The following ATL2 variants were observed in gnomAD, a reference collection of about 807,000 sequenced individuals.
The protein encoded by ATL2 is atlastin-2.
ATL2 carries 31 observed loss-of-function variants against 73.9 expected under a neutral mutation model. The ratio of observed to expected loss-of-function variants is 0.42; its 90% confidence interval spans 0.32 to 0.57. The LOEUF is 0.57. Ranked by LOEUF, ATL2 falls within the 20% of genes least tolerant of loss-of-function variation. The pLI is 0.14. For synonymous variants in ATL2, 291 were observed against 237.5 expected, an observed-to-expected ratio of 1.23 and a Z score of -2.07; for missense variants, 738 against 702.6, an observed-to-expected ratio of 1.05 and a Z score of -0.57.
At chr2:38,311,886 G>A (rs1375698033) in intron 7 of ATL2, among the ~76,000 whole-genome samples, 1 of 152,126 alleles carries the variant, frequency 6.6e-6, no homozygotes, top group African/African-American at 2.4e-5. Context: ...ATTGTGCTTT[G>A]TGTTAATTTC....
chr2:38,375,139 A>G (rs2124511616), intron 1 of ATL2, among the ~76,000 whole-genome samples: 1 of 152,300 alleles, frequency 6.6e-6, no homozygotes, highest in Non-Finnish European at 1.5e-5. Context: ...CCCTAACACT[A>G]AACTACTCAA....
chr2:38,298,411 G>A lies in ATL2; in HGVS notation c.1365C>T (p.Thr455=), dbSNP rs1007677671. The part of the protein sequence containing the change: ...QDQLEAEIEE[T]YANFIKHNDG... ...CATTGTGCTTTATAAAATTTGCATA[G>A]GTTTCTTCAATTTCAGCTTCAAGCT... Residue 455 remains threonine, a synonymous_variant, in exon 12 of 13, where the codon ACC becomes ACT. Transcript: ENST00000378954. 2.5e-6 allele frequency: 4 copies of A among 1,614,024 alleles called. No individual in the cohort carries two copies. In the African/African-American group the frequency reaches 5.3e-5, roughly 22 times the overall value.
chr2:38,302,685 G>T (rs6749652), intron 9 of ATL2, among the ~76,000 whole-genome samples: 14,873 of 152,028 alleles, frequency 0.098, 2,432 homozygotes, highest in African/African-American at 0.34. Context: ...GTAATCCAGG[G>T]AATTCTCCTG....
At chr2:38,307,377 G>A (rs1667508993) in intron 9 of ATL2, among the ~76,000 whole-genome samples, 1 of 149,380 alleles carries the variant, frequency 6.7e-6, no homozygotes, top group Non-Finnish European at 1.5e-5. Context: ...TTGAAATGGA[G>A]CCTTGCTCTG....
At chr2:38,366,163 A>G (rs1279928345) in intron 1 of ATL2, among the ~76,000 whole-genome samples, 1 of 151,788 alleles carries the variant, frequency 6.6e-6, no homozygotes, top group Admixed American at 6.6e-5. Flanking sequence ...GTCCCCTCTT[A>G]GTTTGGCAAT....
chr2:38,360,930 C>CA (rs201457850), intron 1 of ATL2, among the ~76,000 whole-genome samples: 18,216 of 137,714 alleles, frequency 0.13, 3,227 homozygotes, highest in African/African-American at 0.41. Context: ...TTGGTAACTA[C>CA]AAAAAAAAAA....
intron 2 of ATL2, among the ~76,000 whole-genome samples, chr2:38,337,556 CATTAAT>C (rs1309277499): frequency 1.9e-5 from 2 of 107,728 alleles, no homozygotes; most frequent in Admixed American, 9.8e-5. Flanking sequence ...ACTTAAAAGA[CATTAAT>C]ATTAAGGGAT....
At chr2:38,322,222 T>G (rs1668366699) in intron 2 of ATL2, among the ~76,000 whole-genome samples, 1 of 152,220 alleles carries the variant, frequency 6.6e-6, no homozygotes. Context: ...TTAATGAATT[T>G]ATTATTTGTA....
intron 1 of ATL2, among the ~76,000 whole-genome samples, chr2:38,370,612 A>T (rs1671631305): frequency 6.6e-6 from 1 of 152,130 alleles, no homozygotes; most frequent in African/African-American, 2.4e-5. Context: ...TCTACTAAAA[A>T]ATACAAAAAT....
intron 1 of ATL2, among the ~76,000 whole-genome samples, chr2:38,358,904 A>C (rs938941156): frequency 6.6e-6 from 1 of 152,174 alleles, no homozygotes; most frequent in Non-Finnish European, 1.5e-5. Context: ...GACTTCGATA[A>C]ATTTTTTTTG....
Position 38,296,350 on chromosome 2 carries a change from T to G in ATL2, c.1633-237A>C. On this transcript the variant is annotated intron_variant, in intron 12 of 12. Transcript: ENST00000378954. ...AATTCCTATGAGATGGATGTGCAAT[T>G]CCATACCCTATATGCAGCATCAAAT... 2.0e-6 allele frequency: 3 copies of G among 1,464,574 alleles called. No homozygotes were observed. The South Asian group carries it at 4.4e-5, about 21-fold the overall frequency. 90.7% of individuals were successfully genotyped at this position (1,464,574 alleles called of 1,614,324 possible).
At chr2:38,373,295 C>T (rs1428952325) in intron 1 of ATL2, among the ~76,000 whole-genome samples, 2 of 152,198 alleles carry the variant, frequency 1.3e-5, no homozygotes, top group African/African-American at 4.8e-5. Context: ...TATTCTTCAC[C>T]AGTTACATAC....
intron 2 of ATL2, among the ~76,000 whole-genome samples, chr2:38,341,205 C>G (rs1669695592): frequency 6.6e-6 from 1 of 152,188 alleles, no homozygotes; most frequent in Admixed American, 6.5e-5. Flanking sequence ...ACAATATACA[C>G]AAGCTAACTT....
rs967570629 is a variant in ATL2 at position 38,295,184 on chromosome 2, G to C, written c.*810C>G. 6.6e-6 allele frequency: 1 copy of C among 151,996 alleles called. No individual in the cohort carries two copies. The highest frequency in any genetic ancestry group is 1.5e-5 in the Non-Finnish European group (1 of 68,016). 9.4% of individuals were successfully genotyped at this position (151,996 alleles called of 1,614,324 possible). Reference sequence around the variant, plus strand: ...ACTACAAAACTTTTAATACAAAATCGTATTTATATATTTATAAGTCATATA... The same window carrying C: ...ACTACAAAACTTTTAATACAAAATCCTATTTATATATTTATAAGTCATATA... On this transcript the variant is annotated 3_prime_UTR_variant, in exon 13 of 13. Coordinates refer to ENST00000378954, the MANE Select transcript of ATL2 (RefSeq NM_001135673.4).
chr2:38,373,716 GA>G (rs1337164627), intron 1 of ATL2, among the ~76,000 whole-genome samples: 3 of 152,128 alleles, frequency 2.0e-5, no homozygotes, highest in Non-Finnish European at 4.4e-5. Context: ...CCATAACTTG[GA>G]AAATCATCTG....
At chr2:38,305,331 T>A (rs1667391497) in intron 9 of ATL2, among the ~76,000 whole-genome samples, 1 of 152,148 alleles carries the variant, frequency 6.6e-6, no homozygotes, top group Non-Finnish European at 1.5e-5. Flanking sequence ...GTGGACCACT[T>A]GACGTCAGGA....
chr2:38,365,589 G>A lies in ATL2; in HGVS notation c.118+11554C>T, dbSNP rs531954132. ...GTGAATCACGAGGTCAGGAGTTCGA[G>A]ACCAGCCTGCCCAACATAGTGAAAC... On this transcript the variant is annotated intron_variant, in intron 1 of 12. Transcript: ENST00000378954. 9.9e-5 allele frequency among the ~76,000 whole-genome samples: 15 copies of A among 152,226 alleles called. 1 individual carries two copies. In the East Asian group the frequency reaches 2.9e-3, roughly 29 times the overall value.
At chr2:38,355,763 C>A (rs1433406769) in intron 1 of ATL2, among the ~76,000 whole-genome samples, 2 of 149,616 alleles carry the variant, frequency 1.3e-5, no homozygotes, top group African/African-American at 4.9e-5. Flanking sequence ...GCAGTGGTGC[C>A]ATCTCGGCTC....
At chr2:38,331,184 C>T (rs1202268394) in intron 2 of ATL2, among the ~76,000 whole-genome samples, 1 of 151,922 alleles carries the variant, frequency 6.6e-6, no homozygotes, top group African/African-American at 2.4e-5. Context: ...CCTGTAATCC[C>T]ATCACTTTGG....
Sources: allele counts gnomAD v4.1 joint callset (sites outside exome capture counted in the v4.1 genomes callset), GRCh38; gene constraint gnomAD v4.1.1; transcripts MANE v1.5; gene names NCBI Gene and HGNC (gene_info 2026-07-23, HGNC 2026-07-21).